Variants in NPY observed in about 807,000 individuals in gnomAD.
The protein encoded by NPY is pro-neuropeptide Y.
A neutral mutation model predicts 13.2 loss-of-function variants in NPY; 11 were observed. The observed-to-expected ratio is 0.83, with a 90% CI of 0.52 to 1.38. The LOEUF is 1.38. NPY is among the 40% of genes most tolerant of loss of function. The pLI, the probability that NPY is intolerant of heterozygous loss-of-function variation, is 0.00. For synonymous variants in NPY, 51 were observed against 55.6 expected (o/e 0.92, Z 0.37); for missense variants, 109 against 125.1 (o/e 0.87, Z 0.61).
In NPY at chr7:24,285,872, G is replaced by T. The variant is rs948103288; in HGVS notation, c.188+444G>T. 7.2e-5 allele frequency among the ~76,000 whole-genome samples: 11 copies of T among 152,172 alleles called. No individual in the cohort carries two copies. The highest frequency in any genetic ancestry group is 2.2e-4 in the African/African-American group (9 of 41,416). On this transcript the variant is annotated intron_variant, in intron 2 of 3. Coordinates refer to ENST00000242152, the MANE Select transcript of NPY (RefSeq NM_000905.4). The surrounding 1 kb of genome is among the most constrained non-coding windows in gnomAD (Gnocchi z 4.9). Reference sequence around the variant, plus strand: ...AGAAAACCAAACCAAGGAGTAAACTGCAGGGTTGCCACAGACATTGTCAGA... The same window carrying T: ...AGAAAACCAAACCAAGGAGTAAACTTCAGGGTTGCCACAGACATTGTCAGA...
chr7:24,287,791 C>A (rs957512590), intron 2 of NPY, among the ~76,000 whole-genome samples: 1 of 152,138 alleles, frequency 6.6e-6, no homozygotes. Context: ...AGAAACTCAG[C>A]CTTAGATTAG....
chr7:24,291,238 CTTA>C lies in NPY; in HGVS notation c.270-420_270-418del, dbSNP rs551571863. Reference sequence around the variant, plus strand: ...ATGAGTGCTATTTTATTATAAAGGTCTTATTATAGTCTAATAAGTAGCATCTTA... The same window carrying C: ...ATGAGTGCTATTTTATTATAAAGGTCTTATAGTCTAATAAGTAGCATCTTA... On this transcript the variant is annotated intron_variant, in intron 3 of 3. Transcript: ENST00000242152. 4.9e-3 allele frequency among the ~76,000 whole-genome samples: 746 copies of C among 151,998 alleles called. 3 individuals carry two copies. Among genetic ancestry groups the C allele is most frequent in the African/African-American group, 0.018 (728 of 41,542 alleles).
intron 2 of NPY, among the ~76,000 whole-genome samples, chr7:24,288,004 T>C (rs1389579891): frequency 6.6e-6 from 1 of 152,200 alleles, no homozygotes; most frequent in Non-Finnish European, 1.5e-5. Flanking sequence ...CTTTGAAAGT[T>C]ACAGCATTGT....
chr7:24,290,382 C>T (rs894749335), intron 3 of NPY, among the ~76,000 whole-genome samples: 7 of 152,138 alleles, frequency 4.6e-5, no homozygotes, highest in South Asian at 2.1e-4. Flanking sequence ...GGTCCACCCA[C>T]GTCTGTGGCA....
Position 24,291,739 on chromosome 7 carries a change from A to G in NPY, c.*52A>G. The stretch of plus-strand genomic sequence containing the variant: ...TTTTCCTATTTTCAGCCCATATTTC[A>G]TCGTGTAAAACGAGAATCCACCCAT... On this transcript the variant is annotated 3_prime_UTR_variant, in exon 4 of 4. Coordinates refer to ENST00000242152, the MANE Select transcript of NPY (RefSeq NM_000905.4). The G allele has an allele frequency of 1.2e-6, 2 of 1,609,952 alleles. No homozygotes were observed. Among genetic ancestry groups the G allele is most frequent in the South Asian group, 1.1e-5 (1 of 90,840 alleles).
intron 3 of NPY, among the ~76,000 whole-genome samples, chr7:24,291,430 G>A (rs1413290634): frequency 6.6e-6 from 1 of 152,150 alleles, no homozygotes; most frequent in African/African-American, 2.4e-5. Context: ...TCTCTCTGAT[G>A]TTTGCCCAAG....
At chr7:24,288,044 A>C (rs1787456414) in intron 2 of NPY, among the ~76,000 whole-genome samples, 1 of 152,226 alleles carries the variant, frequency 6.6e-6, no homozygotes, top group Non-Finnish European at 1.5e-5. Context: ...GAATTAATTA[A>C]AGAAGGAAGA....
Position 24,285,952 on chromosome 7 carries a change from G to A in NPY, c.188+524G>A, listed in dbSNP as rs1052588517. Among the ~76,000 whole-genome samples the A allele has an allele frequency of 1.3e-5, 2 of 152,150 alleles. No individual in the cohort carries two copies. Among genetic ancestry groups the A allele is most frequent in the African/African-American group, 2.4e-5 (1 of 41,434 alleles). ...GACAGTATTTAGAAAAAGACAAATA[G>A]AGCTATTTTCTTTTCTTCTTCACTG... is the stretch of plus-strand genomic sequence containing the variant. On this transcript the variant is annotated intron_variant, in intron 2 of 3. Coordinates refer to ENST00000242152, the MANE Select transcript of NPY (RefSeq NM_000905.4). The surrounding 1 kb of genome is among the most constrained non-coding windows in gnomAD (Gnocchi z 4.9).
chr7:24,289,047 CTT>C (rs1787498055), intron 2 of NPY, among the ~76,000 whole-genome samples: 1 of 151,996 alleles, frequency 6.6e-6, no homozygotes, highest in African/African-American at 2.4e-5. Flanking sequence ...CTAGGACTGT[CTT>C]TGAAATATCA....
intron 2 of NPY, among the ~76,000 whole-genome samples, chr7:24,286,986 A>ATT (rs1787412315): frequency 6.6e-6 from 1 of 152,192 alleles, no homozygotes; most frequent in Admixed American, 6.5e-5. Flanking sequence ...TTTCCTAGGC[A>ATT]TTCTCTCATT....
rs955469227 is a variant in NPY, at chr7:24,285,114, G to A, written c.1-127G>A. On this transcript the variant is annotated intron_variant, in intron 1 of 3. Coordinates refer to ENST00000242152, the MANE Select transcript of NPY (RefSeq NM_000905.4). The surrounding 1 kb of genome is among the most constrained non-coding windows in gnomAD (Gnocchi z 4.9). Reference sequence around the variant, plus strand: ...ACTCCTGGGTTCTCTCTGCGGGACTGGGACGAGAGCGGATTGGGGGTCGCG... The same window carrying A: ...ACTCCTGGGTTCTCTCTGCGGGACTAGGACGAGAGCGGATTGGGGGTCGCG... The A allele has an allele frequency of 6.0e-6, 6 of 994,736 alleles. No homozygotes were observed. Among genetic ancestry groups the A allele is most frequent in the Middle Eastern group, 2.7e-4 (1 of 3,672 alleles). The allele number at this position is 994,736 out of a possible 1,614,324, so 61.6% of individuals were successfully genotyped here.
At chr7:24,289,881 T>G (rs549597851) in intron 3 of NPY, among the ~76,000 whole-genome samples, 1 of 152,108 alleles carries the variant, frequency 6.6e-6, no homozygotes, top group South Asian at 2.1e-4. Flanking sequence ...ATTGTTGGAG[T>G]CAGGGGAGCA....
intron 3 of NPY, among the ~76,000 whole-genome samples, chr7:24,290,253 G>C (rs1426947801): frequency 1.3e-5 from 2 of 152,076 alleles, no homozygotes; most frequent in Non-Finnish European, 2.9e-5. Context: ...AGGTTTTCTG[G>C]TGCCTCCTGG....
Position 24,285,496 on chromosome 7 carries a change from T to G in NPY, c.188+68T>G. 4.0e-6 allele frequency: 6 copies of G among 1,482,868 alleles called. No homozygotes were observed. In the South Asian group the frequency reaches 7.4e-5, roughly 18 times the overall value. 91.9% of individuals were successfully genotyped at this position (1,482,868 alleles called of 1,614,324 possible). On this transcript the variant is annotated intron_variant, in intron 2 of 3. Coordinates refer to ENST00000242152, the MANE Select transcript of NPY (RefSeq NM_000905.4). The surrounding 1 kb of genome is among the most constrained non-coding windows in gnomAD (Gnocchi z 4.9). ...GCACACCAGGAGATCCTGGGGATGT[T>G]AGGGAAAGGGATTGTTTCTTTTCCT...
In NPY at chr7:24,285,217, C is replaced by G. The variant is rs1787316163; in HGVS notation, c.1-24C>G. On this transcript the variant is annotated intron_variant, in intron 1 of 3. Coordinates refer to ENST00000242152, the MANE Select transcript of NPY (RefSeq NM_000905.4). The surrounding 1 kb of genome is among the most constrained non-coding windows in gnomAD (Gnocchi z 4.9). ...GGGTGCTCTGAATCCCCAAGCCCGT[C>G]CGTTGAGCCTTCTGTGCCTGCAGAT... is the stretch of plus-strand genomic sequence containing the variant. 1 of 1,613,390 alleles carries G rather than the reference C, an allele frequency of 6.2e-7. No individual in the cohort carries two copies. The highest frequency in any genetic ancestry group is 8.5e-7 in the Non-Finnish European group (1 of 1,179,616).
chr7:24,289,400 T>TGTTTA, intron 2 of NPY, 99 bp from the exon 3 acceptor site: 3 of 706,822 alleles, frequency 4.2e-6, no homozygotes, highest in Non-Finnish European at 7.1e-6. Context: ...CTGACAATAA[T>TGTTTA]GTTTAGTTTT....
At chr7:24,290,364 G>C (rs1312259779) in intron 3 of NPY, among the ~76,000 whole-genome samples, 1 of 152,126 alleles carries the variant, frequency 6.6e-6, no homozygotes, top group African/African-American at 2.4e-5. Context: ...TAAGATCATA[G>C]TTCACAGGGT....
intron 3 of NPY, among the ~76,000 whole-genome samples, chr7:24,290,311 A>T (rs1462647074): frequency 6.6e-6 from 1 of 151,734 alleles, no homozygotes; most frequent in East Asian, 1.9e-4. Context: ...CATCTTCATA[A>T]CCTCCTGACT....
intron 2 of NPY, among the ~76,000 whole-genome samples, chr7:24,287,836 A>C (rs932600813): frequency 6.6e-6 from 1 of 152,130 alleles, no homozygotes; most frequent in Admixed American, 6.6e-5. Context: ...TAAAATTATC[A>C]GGGGAGCTTT....
Sources: allele counts gnomAD v4.1 joint callset (sites outside exome capture counted in the v4.1 genomes callset), GRCh38; gene constraint gnomAD v4.1.1; non-coding constraint Gnocchi (gnomAD v3.1); transcripts MANE v1.5; gene names NCBI Gene and HGNC (gene_info 2026-07-23, HGNC 2026-07-21).